TRPM3: variants seen among roughly 807,000 people sequenced by gnomAD.
TRPM3 encodes long transient receptor potential channel 3.
A neutral mutation model predicts 181.2 loss-of-function variants in TRPM3; 77 were observed. The observed-to-expected ratio is 0.42, with a 90% CI of 0.35 to 0.51. The LOEUF is 0.51. Ranked by LOEUF, TRPM3 falls within the 20% of genes least tolerant of loss-of-function variation. TRPM3 has a pLI of 0.01. For missense variants in TRPM3, 1,759 were observed against 2,196.7 expected (o/e 0.80, Z 3.98); for synonymous variants, 745 against 796.4 (o/e 0.94, Z 1.09).
At chr9:70,853,284 G>T (rs2095292740) in intron 3 of TRPM3, among the ~76,000 whole-genome samples, 1 of 152,136 alleles carries the variant, frequency 6.6e-6, no homozygotes, top group Non-Finnish European at 1.5e-5. Context: ...TGTTAACACT[G>T]GTGGCTCTAG....
chr9:70,849,590 C>A (rs2095141366), intron 3 of TRPM3, among the ~76,000 whole-genome samples: 2 of 152,078 alleles, frequency 1.3e-5, no homozygotes, highest in South Asian at 4.1e-4. Context: ...TATAAAATAA[C>A]ATCTAATTTA....
chr9:71,374,130 C>T (rs1366253806), intron 1 of TRPM3, among the ~76,000 whole-genome samples: 2 of 152,180 alleles, frequency 1.3e-5, no homozygotes, highest in Admixed American at 6.5e-5. Context: ...AATCCTCACA[C>T]TTTGGAAGGC....
chr9:71,337,549 T>C (rs940412186), intron 1 of TRPM3, among the ~76,000 whole-genome samples: 5 of 152,072 alleles, frequency 3.3e-5, no homozygotes, highest in African/African-American at 1.2e-4. Context: ...GAACCAGAAA[T>C]ACCATTTTAC....
chr9:70,941,709 G>T (rs1275921953), intron 1 of TRPM3, among the ~76,000 whole-genome samples: 1 of 152,134 alleles, frequency 6.6e-6, no homozygotes, highest in East Asian at 1.9e-4. Flanking sequence ...TTACTAGAGG[G>T]GACAAACTGT....
chr9:71,386,450 G>GAA (rs1028414113), intron 1 of TRPM3, among the ~76,000 whole-genome samples: 3 of 134,256 alleles, frequency 2.2e-5, no homozygotes, highest in South Asian at 2.4e-4. Flanking sequence ...TCTGTCTTTT[G>GAA]AAAAAAAAAA....
intron 1 of TRPM3, among the ~76,000 whole-genome samples, chr9:71,004,510 G>C (rs929015266): frequency 6.6e-6 from 1 of 152,200 alleles, no homozygotes; most frequent in Admixed American, 6.5e-5. Context: ...GCAAAAGCTG[G>C]AACAGGCAAA....
At chr9:70,630,471 G>A (rs780855134) in intron 12 of TRPM3, among the ~76,000 whole-genome samples, 41 of 152,202 alleles carry the variant, frequency 2.7e-4, no homozygotes, top group Non-Finnish European at 5.4e-4. Context: ...GGATGGGGTG[G>A]TGCTCAGTGC....
intron 1 of TRPM3, among the ~76,000 whole-genome samples, chr9:70,984,133 G>A (rs2097395786): frequency 6.6e-6 from 1 of 152,128 alleles, no homozygotes; most frequent in Non-Finnish European, 1.5e-5. Context: ...TTTTCTGTGT[G>A]GCTTTCAACA....
intron 1 of TRPM3, among the ~76,000 whole-genome samples, chr9:71,014,221 G>A (rs979545859): frequency 2.6e-5 from 4 of 151,768 alleles, no homozygotes; most frequent in Non-Finnish European, 5.9e-5. Context: ...TCCAAGTGGG[G>A]CATTTTTGTT....
intron 11 of TRPM3, among the ~76,000 whole-genome samples, chr9:70,635,795 T>G (rs1274659955): frequency 6.6e-6 from 1 of 152,168 alleles, no homozygotes; most frequent in Non-Finnish European, 1.5e-5. Flanking sequence ...CGTTGGCAGA[T>G]TTTTGAATTG....
intron 1 of TRPM3, among the ~76,000 whole-genome samples, chr9:71,429,965 T>G (rs979199613): frequency 2.6e-5 from 4 of 152,168 alleles, no homozygotes; most frequent in African/African-American, 9.7e-5. Context: ...CTCCCTCACT[T>G]CCTTCTGACA....
chr9:71,306,645 G>A (rs2132365927), intron 1 of TRPM3, among the ~76,000 whole-genome samples: 1 of 152,268 alleles, frequency 6.6e-6, no homozygotes, highest in African/African-American at 2.4e-5. Context: ...GGAGGCTGAG[G>A]CAGGTGGATC....
intron 1 of TRPM3, among the ~76,000 whole-genome samples, chr9:71,168,565 TTTATTTA>T (rs1418431097): frequency 1.6e-4 from 18 of 114,742 alleles, no homozygotes; most frequent in African/African-American, 6.3e-4. Context: ...TATTTATTTA[TTTATTTA>T]TTTTTGTTTT....
At chr9:71,344,448 C>G (rs1200926044) in intron 1 of TRPM3, among the ~76,000 whole-genome samples, 1 of 149,906 alleles carries the variant, frequency 6.7e-6, no homozygotes, top group Non-Finnish European at 1.5e-5. Context: ...GAGACTCCAT[C>G]TCAAAAAAAA....
At chr9:70,973,788 A>C (rs56944106) in intron 1 of TRPM3, among the ~76,000 whole-genome samples, 4,873 of 152,326 alleles carry the variant, frequency 0.032, 272 homozygotes, top group African/African-American at 0.11. Context: ...AAAGGGACTA[A>C]AAATTATAAC....
intron 9 of TRPM3, among the ~76,000 whole-genome samples, chr9:70,650,367 A>G (rs1010214735): frequency 2.6e-4 from 40 of 152,320 alleles, no homozygotes; most frequent in African/African-American, 8.9e-4. Flanking sequence ...TTCCCCTCAT[A>G]AAAGACTTGG....
chr9:71,307,261 C>CTT (rs918892358), intron 1 of TRPM3, among the ~76,000 whole-genome samples: 3 of 151,706 alleles, frequency 2.0e-5, no homozygotes, highest in African/African-American at 7.3e-5. Context: ...TTTTTATTTC[C>CTT]TTTTTCTATG....
At chr9:71,205,000 G>A (rs986206966) in intron 1 of TRPM3, among the ~76,000 whole-genome samples, 1 of 151,978 alleles carries the variant, frequency 6.6e-6, no homozygotes, top group Admixed American at 6.6e-5. Flanking sequence ...ACTCATAGAT[G>A]GGAATTGAAC....
At chr9:70,545,199 C>A (rs1028845045) in intron 25 of TRPM3, among the ~76,000 whole-genome samples, 2 of 152,168 alleles carry the variant, frequency 1.3e-5, no homozygotes, top group Non-Finnish European at 2.9e-5. Context: ...ATACTGTGTT[C>A]TTTCCGTTAT....
Sources: allele counts gnomAD v4.1 joint callset (sites outside exome capture counted in the v4.1 genomes callset), GRCh38; gene constraint gnomAD v4.1.1; transcripts MANE v1.5; gene names NCBI Gene and HGNC (gene_info 2026-07-23, HGNC 2026-07-21).